NMNAT3: variants seen among roughly 807,000 people sequenced by gnomAD.
NMNAT3 encodes the protein nicotinamide/nicotinic acid mononucleotide adenylyltransferase 3.
In NMNAT3, 21 loss-of-function variants were observed where a neutral mutation model predicts 24.8. The observed-to-expected ratio is 0.85, with a 90% CI of 0.60 to 1.22. NMNAT3 has a LOEUF of 1.22. Ranked by LOEUF, NMNAT3 falls within the 50% of genes most tolerant of loss-of-function variation. NMNAT3 has a pLI of 0.00. For missense variants in NMNAT3, 387 were observed against 436.6 expected (o/e 0.89, Z 1.01); for synonymous variants, 136 against 155.2 (o/e 0.88, Z 0.92).
At chr3:139,665,549 G>A (rs1482960775) in intron 1 of NMNAT3, among the ~76,000 whole-genome samples, 1 of 152,180 alleles carries the variant, frequency 6.6e-6, no homozygotes, top group East Asian at 1.9e-4. Context: ...TGACCATGCT[G>A]GCTTGAGCTC....
intron 3 of NMNAT3, among the ~76,000 whole-genome samples, chr3:139,583,781 T>C (rs541827905): frequency 1.3e-5 from 2 of 152,380 alleles, no homozygotes; most frequent in South Asian, 4.1e-4. Flanking sequence ...CTAAAACACA[T>C]ATCATATGTG....
chr3:139,631,954 T>G (rs555956753), intron 2 of NMNAT3, among the ~76,000 whole-genome samples: 1 of 152,292 alleles, frequency 6.6e-6, no homozygotes, highest in African/African-American at 2.4e-5. Flanking sequence ...TTTTTATTTT[T>G]TATTTGTTTT....
At chr3:139,627,849 T>G in intron 2 of NMNAT3, 85 bp from the exon 4 acceptor site, 1 of 502,672 alleles carries the variant, frequency 2.0e-6, no homozygotes, top group South Asian at 4.0e-5. Flanking sequence ...ACACAGACCA[T>G]TACTTCTCAC....
chr3:139,570,598 T>G (rs1938077834), intron 6 of NMNAT3: 1 of 152,334 alleles, frequency 6.6e-6, no homozygotes, highest in Non-Finnish European at 1.5e-5. Flanking sequence ...TGGAGTTTGC[T>G]AGAGGTCCCC....
rs77244629 is a variant in NMNAT3 at position 139,584,914 on chromosome 3, C to T, written c.110-1706G>A. On this transcript the variant is annotated intron_variant, in intron 3 of 6. Transcript: ENST00000643695. Reference sequence around the variant, plus strand: ...TAAACAGAGGCATGTTAAAATCTCTCACTATGATTGTGGATTTTCCGTTTT... The same window carrying T: ...TAAACAGAGGCATGTTAAAATCTCTTACTATGATTGTGGATTTTCCGTTTT... Among the ~76,000 whole-genome samples, 1,032 of 152,198 alleles carry T rather than the reference C, an allele frequency of 6.8e-3. 7 individuals are homozygous for T. The highest frequency in any genetic ancestry group is 0.034 in the Middle Eastern group (10 of 294).
At chr3:139,664,470 GAA>G in intron 1 of NMNAT3, among the ~76,000 whole-genome samples, 1 of 152,130 alleles carries the variant, frequency 6.6e-6, no homozygotes, top group African/African-American at 2.4e-5. Context: ...AGGGATACTG[GAA>G]AAAAAGAGTA....
At chr3:139,630,064 A>G (rs748228262) in intron 2 of NMNAT3, among the ~76,000 whole-genome samples, 1 of 152,216 alleles carries the variant, frequency 6.6e-6, no homozygotes, top group Non-Finnish European at 1.5e-5. Context: ...GGGCTCAACA[A>G]TGACCTACAA....
At chr3:139,652,148 C>A (rs1225759407) in intron 1 of NMNAT3, among the ~76,000 whole-genome samples, 3 of 152,204 alleles carry the variant, frequency 2.0e-5, no homozygotes, top group African/African-American at 7.2e-5. Flanking sequence ...CCTCAGCCAG[C>A]CAGTGCCCAG....
chr3:139,596,064 C>A (rs901346137), intron 3 of NMNAT3, among the ~76,000 whole-genome samples: 1 of 152,188 alleles, frequency 6.6e-6, no homozygotes. Context: ...GAGCCACTTG[C>A]CCTGAATCTG....
At chr3:139,628,405 A>C (rs1416438486) in intron 2 of NMNAT3, among the ~76,000 whole-genome samples, 2 of 152,218 alleles carry the variant, frequency 1.3e-5, no homozygotes, top group Admixed American at 1.3e-4. Context: ...ATAGACATAA[A>C]ATCTCTTTAC....
intron 3 of NMNAT3, among the ~76,000 whole-genome samples, chr3:139,593,979 A>G (rs2054322449): frequency 6.6e-6 from 1 of 151,258 alleles, no homozygotes; most frequent in Non-Finnish European, 1.5e-5. Flanking sequence ...AACTGAAGGA[A>G]ATAGAGACAC....
chr3:139,591,128 G>A (rs926217523), intron 3 of NMNAT3, among the ~76,000 whole-genome samples: 5 of 151,166 alleles, frequency 3.3e-5, no homozygotes, highest in Non-Finnish European at 7.4e-5. Flanking sequence ...TGCGCGAGCC[G>A]AAGCAGGGCG....
chr3:139,636,435 A>T (rs963598541), intron 2 of NMNAT3: 1 of 152,194 alleles, frequency 6.6e-6, no homozygotes, highest in African/African-American at 2.4e-5. Context: ...GCAGCAGCGA[A>T]TCTTTTCTGT....
rs1936263973 is a variant in NMNAT3, at chr3:139,560,652, C to T, written c.*358G>A. The stretch of plus-strand genomic sequence containing the variant: ...CACATTGTGGGCAATTCTGATCTGA[C>T]CCTCAGGGGCCGCTGCCATGCTCAG... On this transcript the variant is annotated 3_prime_UTR_variant, in exon 7 of 7. Transcript: ENST00000643695. The T allele has an allele frequency of 4.7e-6, 1 of 211,846 alleles. No homozygotes were observed. The highest frequency in any genetic ancestry group is 2.3e-5 in the African/African-American group (1 of 43,538). 13.1% of individuals were successfully genotyped at this position (211,846 alleles called of 1,614,324 possible).
rs781274822 is a variant in NMNAT3 at position 139,578,906 on chromosome 3, G to C, written c.541C>G (p.Gln181Glu). ...TTCACTGTCTCCATCCACTGTGCCTGCTCACTCTCCCAAGGGTCCACCCGG... is the reference window on the plus strand; with the variant it reads ...TTCACTGTCTCCATCCACTGTGCCTCCTCACTCTCCCAAGGGTCCACCCGG... The change falls in exon 5 of 7, where the codon CAG (glutamine) becomes GAG (glutamate). Residue 181 changes from glutamine (Q) to glutamate (E), a missense_variant. Around this residue, in one of 3 missense-constraint regions of NMNAT3, gnomAD observed 323 missense variants for 345.2 expected, o/e 0.94. Transcript: ENST00000643695. 1 of 1,614,132 alleles carries C rather than the reference G, an allele frequency of 6.2e-7. No individual in the cohort carries two copies. Among genetic ancestry groups the C allele is most frequent in the Non-Finnish European group, 8.5e-7 (1 of 1,180,010 alleles).
intron 6 of NMNAT3, among the ~76,000 whole-genome samples, chr3:139,572,743 G>T (rs549395320): frequency 2.0e-5 from 3 of 152,258 alleles, no homozygotes; most frequent in African/African-American, 7.2e-5. Flanking sequence ...TAAAAAAATG[G>T]TAAGAATGAC....
intron 3 of NMNAT3, chr3:139,583,282 A>G (rs941929695): frequency 2.3e-6 from 3 of 1,279,930 alleles, no homozygotes; most frequent in Admixed American, 3.4e-5. Context: ...CAGTACTTTT[A>G]CCATCTGTTT....
intron 3 of NMNAT3, among the ~76,000 whole-genome samples, chr3:139,598,128 T>C (rs1490643083): frequency 2.0e-5 from 3 of 152,350 alleles, no homozygotes; most frequent in South Asian, 4.1e-4. Flanking sequence ...TTGGCAATCA[T>C]CACTCCCTCC....
chr3:139,562,120 C>T (rs1936491120), intron 6 of NMNAT3, among the ~76,000 whole-genome samples: 1 of 145,332 alleles, frequency 6.9e-6, no homozygotes, highest in African/African-American at 2.4e-5. Flanking sequence ...ATATGCACCC[C>T]AGAACAATTT....
Sources: allele counts gnomAD v4.1 joint callset (sites outside exome capture counted in the v4.1 genomes callset), GRCh38; gene constraint gnomAD v4.1.1; regional missense constraint gnomAD v4.1.1; transcripts MANE v1.5; gene names NCBI Gene and HGNC (gene_info 2026-07-23, HGNC 2026-07-21).